Variants in OPA3 observed in about 807,000 individuals in gnomAD.
OPA3 encodes outer mitochondrial membrane lipid metabolism regulator OPA3.
In OPA3, 6 loss-of-function variants were observed where a neutral mutation model predicts 4.0. The observed-to-expected ratio is 1.51, with a 90% CI of 0.83 to 2.99. The LOEUF (loss-of-function observed/expected upper bound fraction) is 2.99. Ranked by LOEUF, OPA3 falls within the 30% of genes most tolerant of loss-of-function variation. OPA3 has a pLI of 0.00. For synonymous variants in OPA3, 105 were observed against 117.1 expected, an observed-to-expected ratio of 0.90 and a Z score of 0.67; for missense variants, 235 against 256.2, an observed-to-expected ratio of 0.92 and a Z score of 0.56.
chr19:45,573,832 T>C (rs1021589976), intron 1 of OPA3, among the ~76,000 whole-genome samples: 1 of 152,142 alleles, frequency 6.6e-6, no homozygotes, highest in Non-Finnish European at 1.5e-5. Flanking sequence ...AGTCTTTATC[T>C]AGAAGCAGAG....
chr19:45,544,477 C>G (rs181443587), downstream of OPA3, among the ~76,000 whole-genome samples: 342 of 149,380 alleles, frequency 2.3e-3, no homozygotes, highest in Non-Finnish European at 3.7e-3. Context: ...CTGGCCAACA[C>G]GATGAAACCC....
chr19:45,540,944 T>G (rs1005924888), intron 1 of OPA3, among the ~76,000 whole-genome samples: 4 of 152,112 alleles, frequency 2.6e-5, no homozygotes, highest in Admixed American at 2.6e-4. Context: ...CCCACCAAAC[T>G]CAGGACCTCA....
rs773094737 is a variant in OPA3, at chr19:45,529,490, C to T, written c.143-34G>A. The T allele has an allele frequency of 2.3e-5, 37 of 1,613,788 alleles. No individual in the cohort carries two copies. The South Asian group carries it at 4.0e-4, about 17-fold the overall frequency. On this transcript the variant is annotated intron_variant, in intron 1 of 1. Coordinates refer to the OPA3 transcript ENST00000323060. ...AAAGACAGGAGTCAGGGGTCTTTTG[C>T]AGGGCAGCCTCCTATAAGCCCCGAC...
At chr19:45,568,806 C>T (rs1969620002) in intron 1 of OPA3, among the ~76,000 whole-genome samples, 1 of 152,054 alleles carries the variant, frequency 6.6e-6, no homozygotes, top group Admixed American at 6.6e-5. Context: ...GGGGATGTGA[C>T]GCAGGGTGGA....
intron 1 of OPA3, among the ~76,000 whole-genome samples, chr19:45,540,202 A>G (rs1212454548): frequency 6.6e-6 from 1 of 152,022 alleles, no homozygotes; most frequent in Non-Finnish European, 1.5e-5. Flanking sequence ...CTGTAGTCCC[A>G]GCTACTCGGG....
At chr19:45,567,917 G>A (rs1371757969) in intron 1 of OPA3, among the ~76,000 whole-genome samples, 3 of 152,150 alleles carry the variant, frequency 2.0e-5, no homozygotes, top group African/African-American at 7.2e-5. Context: ...ATTATTCAGG[G>A]TAAACGTAGC....
At chr19:45,575,355 T>A (rs1449521464) in intron 1 of OPA3, among the ~76,000 whole-genome samples, 1 of 152,098 alleles carries the variant, frequency 6.6e-6, no homozygotes, top group Non-Finnish European at 1.5e-5. Flanking sequence ...CCTCCCAAAG[T>A]GCTGAGATTA....
intron 1 of OPA3, among the ~76,000 whole-genome samples, chr19:45,572,383 CAT>C (rs1029486895): frequency 2.4e-5 from 3 of 125,946 alleles, no homozygotes; most frequent in Non-Finnish European, 3.2e-5. Context: ...ATATATATCT[CAT>C]ATATATCAAC....
chr19:45,542,710 G>A (rs1219661899), downstream of OPA3, among the ~76,000 whole-genome samples: 2 of 143,936 alleles, frequency 1.4e-5, no homozygotes, highest in Non-Finnish European at 3.0e-5. Context: ...TCGCTCTGTC[G>A]CCAGGCTAGA....
chr19:45,535,073 G>A (rs1247033270), intron 1 of OPA3, among the ~76,000 whole-genome samples: 1 of 151,922 alleles, frequency 6.6e-6, no homozygotes, highest in African/African-American at 2.4e-5. Context: ...TTAATTTGCA[G>A]GTTCCCAACA....
intron 1 of OPA3, among the ~76,000 whole-genome samples, chr19:45,570,807 G>A (rs180917659): frequency 5.6e-4 from 85 of 150,752 alleles, no homozygotes; most frequent in African/African-American, 2.0e-3. Flanking sequence ...AGGTTGTAGC[G>A]AGCCGAGATT....
chr19:45,561,252 G>A (rs987467852), intron 1 of OPA3, among the ~76,000 whole-genome samples: 1 of 152,192 alleles, frequency 6.6e-6, no homozygotes, highest in Non-Finnish European at 1.5e-5. Flanking sequence ...AGAATCGCTT[G>A]AACCTGGGAG....
intron 1 of OPA3, chr19:45,529,590 C>G: frequency 2.4e-5 from 26 of 1,095,740 alleles, no homozygotes; most frequent in Non-Finnish European, 3.2e-5. Context: ...GGCGGGGACG[C>G]CTTAACGAAG....
In OPA3 at chr19:45,550,820, C is replaced by G. The variant is rs1307302899; in HGVS notation, c.*2694G>C. On this transcript the variant is annotated 3_prime_UTR_variant, in exon 2 of 2. Coordinates refer to ENST00000263275, the MANE Select transcript of OPA3 (RefSeq NM_025136.4). Reference sequence around the variant, plus strand: ...AATGAGAGAGCTACAGTCGGAAGGACAGACTGCAGGCTACTGGGACCCACC... The same window carrying G: ...AATGAGAGAGCTACAGTCGGAAGGAGAGACTGCAGGCTACTGGGACCCACC... 1 of 985,982 alleles carries G rather than the reference C, an allele frequency of 1.0e-6. No individual in the cohort carries two copies. Among genetic ancestry groups the G allele is most frequent in the Admixed American group, 6.1e-5 (1 of 16,266 alleles). 61.1% of individuals were successfully genotyped at this position (985,982 alleles called of 1,614,324 possible).
chr19:45,580,103 T>C (rs1160418201), intron 1 of OPA3, among the ~76,000 whole-genome samples: 2 of 151,564 alleles, frequency 1.3e-5, no homozygotes, highest in Non-Finnish European at 2.9e-5. Flanking sequence ...TTCAAGTGAT[T>C]CTTCTGCCTC....
chr19:45,539,616 A>G (rs944978651), intron 1 of OPA3, among the ~76,000 whole-genome samples: 2 of 151,932 alleles, frequency 1.3e-5, no homozygotes, highest in African/African-American at 2.4e-5. Context: ...ACACCCAGCC[A>G]AAAAACACAA....
In OPA3 at chr19:45,553,884, T is replaced by C. The variant is rs890145652; in HGVS notation, c.170A>G (p.Lys57Arg). Residue 57 changes from lysine to arginine, a missense_variant, in exon 2 of 2, where the codon AAG (lysine) becomes AGG (arginine). Coordinates refer to ENST00000263275, the MANE Select transcript of OPA3 (RefSeq NM_025136.4). Reference protein sequence around the residue: ...QLYHWVEMRTKMRIMGFRGTV... With the variant: ...QLYHWVEMRTRMRIMGFRGTV... ...GCCCCGGAAGCCCATGATGCGCATC[T>C]TGGTCCGCATCTCCACCCAGTGATA... The C allele has an allele frequency of 3.1e-6, 5 of 1,609,768 alleles. No homozygotes were observed. Among genetic ancestry groups the C allele is most frequent in the Non-Finnish European group, 3.4e-6 (4 of 1,176,870 alleles).
At chr19:45,563,058 G>GAGTC (rs2085378574) in intron 1 of OPA3, among the ~76,000 whole-genome samples, 1 of 152,160 alleles carries the variant, frequency 6.6e-6, no homozygotes, top group African/African-American at 2.4e-5. Context: ...GCACACCCTG[G>GAGTC]AGTCAGTCAT....
At chr19:45,560,757 A>T (rs942021887) in intron 1 of OPA3, among the ~76,000 whole-genome samples, 2 of 152,152 alleles carry the variant, frequency 1.3e-5, no homozygotes, top group Admixed American at 1.3e-4. Flanking sequence ...TCCTATGCTC[A>T]GATCTCTCTC....
Sources: allele counts gnomAD v4.1 joint callset (sites outside exome capture counted in the v4.1 genomes callset), GRCh38; gene constraint gnomAD v4.1.1; transcripts MANE v1.5; gene names NCBI Gene and HGNC (gene_info 2026-07-23, HGNC 2026-07-21).